Variants in XKR7 observed in about 807,000 individuals in gnomAD.
The protein encoded by XKR7 is XK-related protein 7.
In XKR7, 11 loss-of-function variants were observed where a neutral mutation model predicts 42.2. The observed-to-expected ratio is 0.26, with a 90% CI of 0.16 to 0.43. The LOEUF (loss-of-function observed/expected upper bound fraction) is 0.43. Ranked by LOEUF, XKR7 falls within the 20% of genes least tolerant of loss-of-function variation. The pLI is 1.00. For synonymous variants in XKR7, 346 were observed against 366.4 expected, an observed-to-expected ratio of 0.94 and a Z score of 0.64; for missense variants, 710 against 802.2, an observed-to-expected ratio of 0.89 and a Z score of 1.39.
intron 1 of XKR7, among the ~76,000 whole-genome samples, chr20:31,980,371 TC>T (rs905446176): frequency 4.6e-5 from 7 of 152,228 alleles, no homozygotes; most frequent in South Asian, 4.2e-4. Context: ...CTCAGGGCCA[TC>T]CCCCCAACCC....
chr20:31,968,902 T>G lies in XKR7; in HGVS notation c.584+143T>G. On this transcript the variant is annotated intron_variant, in intron 1 of 2. Transcript: ENST00000562532. The surrounding 1 kb of genome is among the most constrained non-coding windows in gnomAD (Gnocchi z 4.5). ...CCTCCCCACCCCATTGCAGCTCTAA[T>G]TTCTTCTCAGTCGGCTTCTCCCTGA... The G allele has an allele frequency of 7.5e-7, 1 of 1,333,658 alleles. No homozygotes were observed. The highest frequency in any genetic ancestry group is 9.8e-7 in the Non-Finnish European group (1 of 1,018,250). The allele number at this position is 1,333,658 out of a possible 1,614,324, so 82.6% of individuals were successfully genotyped here.
In XKR7 at chr20:31,997,268, G is replaced by A. The variant is rs1339961450; in HGVS notation, c.1551G>A (p.Arg517=). ...LPPTPVARTL[R]TEGPVIRIDL... ...CCACACCAGTGGCCCGCACCTTGCG[G>A]ACAGAGGGGCCTGTCATCCGGATTG... The change falls in exon 3 of 3, where the codon CGG becomes CGA. Residue 517 remains arginine, a synonymous_variant. Coordinates refer to ENST00000562532, the MANE Select transcript of XKR7 (RefSeq NM_001011718.2). 2 of 1,612,212 alleles carry A rather than the reference G, an allele frequency of 1.2e-6. No individual in the cohort carries two copies. The highest frequency in any genetic ancestry group is 2.7e-5 in the African/African-American group (2 of 74,932).
chr20:31,984,320 C>T (rs2064527588), intron 1 of XKR7, among the ~76,000 whole-genome samples: 1 of 151,588 alleles, frequency 6.6e-6, no homozygotes, highest in South Asian at 2.1e-4. Context: ...TACAAGATCC[C>T]CCTGCTGTTG....
At position 31,998,663 on chromosome 20, in the gene XKR7, T is replaced by A. The variant is rs2064608709; in HGVS notation, c.*1206T>A. On this transcript the variant is annotated 3_prime_UTR_variant, in exon 3 of 3. Transcript: ENST00000562532. Reference sequence around the variant, plus strand: ...CCCCTGTTACCTTGGTCCATAGCCATCTTTCTAAAAGGAAATTGTCCTCAG... The same window carrying A: ...CCCCTGTTACCTTGGTCCATAGCCAACTTTCTAAAAGGAAATTGTCCTCAG... The A allele has an allele frequency of 6.6e-6, 1 of 152,136 alleles. No individual in the cohort carries two copies. Among genetic ancestry groups the A allele is most frequent in the African/African-American group, 2.4e-5 (1 of 41,408 alleles). 9.4% of individuals were successfully genotyped at this position (152,136 alleles called of 1,614,324 possible). A position where few individuals can be genotyped will look rare whatever the true frequency, so the allele number is the denominator to read the frequency against.
intron 1 of XKR7, among the ~76,000 whole-genome samples, chr20:31,975,142 C>A (rs1265217736): frequency 6.6e-6 from 1 of 152,074 alleles, no homozygotes; most frequent in African/African-American, 2.4e-5. Context: ...TTGGGATCTT[C>A]TCTGGCCTCT....
chr20:31,996,592 G>T lies in XKR7; in HGVS notation c.875G>T (p.Arg292Leu), dbSNP rs140532579. 1.3e-6 allele frequency: 2 copies of T among 1,547,786 alleles called. No individual in the cohort carries two copies. The highest frequency in any genetic ancestry group is 2.0e-5 in the Admixed American group (1 of 49,558). ...KVLRDSRDDKRPLSYKGAVAQ... is the reference protein window; with the variant it reads ...KVLRDSRDDKLPLSYKGAVAQ... ...CTGCGGGACTCGCGGGACGACAAGC[G>T]GCCGCTGTCCTACAAGGGCGCCGTG... Residue 292 changes from arginine (R) to leucine (L), a missense_variant, in exon 3 of 3, where the codon CGG (arginine) becomes CTG (leucine). Transcript: ENST00000562532.
intron 1 of XKR7, among the ~76,000 whole-genome samples, chr20:31,985,092 G>T (rs538320525): frequency 8.0e-4 from 121 of 152,194 alleles, no homozygotes; most frequent in Non-Finnish European, 1.4e-3. Context: ...ACTGCACACT[G>T]TCCCCCTGCA....
At chr20:31,980,577 G>A (rs1017896187) in intron 1 of XKR7, among the ~76,000 whole-genome samples, 37 of 152,164 alleles carry the variant, frequency 2.4e-4, no homozygotes, top group African/African-American at 2.4e-5. Flanking sequence ...TTTCTCTAAT[G>A]GCTCTAGACT....
Position 32,003,123 on chromosome 20 carries a change from C to T in XKR7, c.*5666C>T, listed in dbSNP as rs1198855658. The T allele has an allele frequency of 6.6e-6, 1 of 152,440 alleles. No homozygotes were observed. The highest frequency in any genetic ancestry group is 1.5e-5 in the Non-Finnish European group (1 of 68,118). The allele number at this position is 152,440 out of a possible 1,614,324, so 9.4% of individuals were successfully genotyped here. A position where few individuals can be genotyped will look rare whatever the true frequency, so the allele number is the denominator to read the frequency against. On this transcript the variant is annotated 3_prime_UTR_variant, in exon 3 of 3. Transcript: ENST00000562532. The stretch of plus-strand genomic sequence containing the variant: ...CAATTCCGAGTGATTCTTCCCCTCC[C>T]TGTCGTCTCTTCCTCCCTAACGGGC...
intron 1 of XKR7, among the ~76,000 whole-genome samples, chr20:31,972,193 G>T (rs1568878149): frequency 1.3e-5 from 2 of 152,178 alleles, no homozygotes; most frequent in Non-Finnish European, 2.9e-5. Flanking sequence ...CCCTGTGTGA[G>T]TGTTTCAGGC....
intron 1 of XKR7, among the ~76,000 whole-genome samples, chr20:31,975,402 C>T (rs892993381): frequency 2.6e-5 from 4 of 152,124 alleles, no homozygotes; most frequent in African/African-American, 9.7e-5. Context: ...TCTCCATTGC[C>T]TGCAGTCCTT....
rs34231055 is a variant in XKR7, at chr20:31,985,781, C to CACAGACAG, written c.585-9264_585-9257dup. On this transcript the variant is annotated intron_variant, in intron 1 of 2. Transcript: ENST00000562532. ...TACCAAGCAGACCCAGCATCCAAGACACAGACAGACAGACAGACAGACAGA... is the reference window on the plus strand; with the variant it reads ...TACCAAGCAGACCCAGCATCCAAGACACAGACAGACAGACAGACAGACAGACAGACAGA... Among the ~76,000 whole-genome samples, 304 of 112,720 alleles carry CACAGACAG rather than the reference C, an allele frequency of 2.7e-3. 2 individuals carry two copies. The highest frequency in any genetic ancestry group is 6.2e-3 in the African/African-American group (156 of 25,056). The allele number at this position is 112,720 out of a possible 152,430, so 73.9% of individuals were successfully genotyped here.
intron 1 of XKR7, among the ~76,000 whole-genome samples, chr20:31,984,064 C>G: frequency 6.6e-6 from 1 of 152,078 alleles, no homozygotes; most frequent in South Asian, 2.1e-4. Context: ...GAGTTTGAGA[C>G]CAGCCTGACC....
At chr20:31,986,023 GACA>G in intron 1 of XKR7, among the ~76,000 whole-genome samples, 1 of 147,836 alleles carries the variant, frequency 6.8e-6, no homozygotes, top group Non-Finnish European at 1.5e-5. Context: ...CAGACAGACA[GACA>G]GACAGACTAC....
At chr20:31,978,546 C>T (rs2064496156) in intron 1 of XKR7, among the ~76,000 whole-genome samples, 1 of 152,220 alleles carries the variant, frequency 6.6e-6, no homozygotes, top group East Asian at 1.9e-4. Flanking sequence ...TTATCTAGGG[C>T]AGCACCATCC....
chr20:31,996,384 G>A, intron 2 of XKR7, 121 bp from the exon 3 acceptor site: 1 of 673,760 alleles, frequency 1.5e-6, no homozygotes, highest in Non-Finnish European at 2.4e-6. Flanking sequence ...CTGATCCACA[G>A]CTCCTTTCCT....
chr20:31,980,771 T>C (rs1402780951), intron 1 of XKR7, among the ~76,000 whole-genome samples: 2 of 151,984 alleles, frequency 1.3e-5, no homozygotes, highest in South Asian at 2.1e-4. Context: ...ACTCTTAAGA[T>C]AAAGACCAGG....
In XKR7 at chr20:31,995,335, G is replaced by A; in HGVS notation, c.787+65G>A. The A allele has an allele frequency of 6.5e-7, 1 of 1,529,756 alleles. No individual in the cohort carries two copies. Among genetic ancestry groups the A allele is most frequent in the Non-Finnish European group, 8.7e-7 (1 of 1,145,142 alleles). 94.8% of individuals were successfully genotyped at this position (1,529,756 alleles called of 1,614,324 possible). Reference sequence around the variant, plus strand: ...CACCGGGCCTTTCTCCCTGCTTCAGGCTCCCTGGGGATGCCCTGTGGGCTT... The same window carrying A: ...CACCGGGCCTTTCTCCCTGCTTCAGACTCCCTGGGGATGCCCTGTGGGCTT... On this transcript the variant is annotated intron_variant, in intron 2 of 2. Transcript: ENST00000562532. This position sits in a 1 kb window ranked among gnomAD's most constrained non-coding sequence, Gnocchi z 4.1.
chr20:31,979,870 C>G (rs1203325722), intron 1 of XKR7, among the ~76,000 whole-genome samples: 1 of 152,044 alleles, frequency 6.6e-6, no homozygotes, highest in Non-Finnish European at 1.5e-5. Flanking sequence ...GGGTTTTAGT[C>G]TCTTCTCTGC....
Sources: allele counts gnomAD v4.1 joint callset (sites outside exome capture counted in the v4.1 genomes callset), GRCh38; gene constraint gnomAD v4.1.1; non-coding constraint Gnocchi (gnomAD v3.1); transcripts MANE v1.5; gene names NCBI Gene and HGNC (gene_info 2026-07-23, HGNC 2026-07-21).